The following GLG1 variants were observed in gnomAD, a reference collection of about 807,000 sequenced individuals.
GLG1 encodes Golgi apparatus protein 1.
A neutral mutation model predicts 160.5 loss-of-function variants in GLG1; 38 were observed. The observed-to-expected ratio is 0.24, with a 90% confidence interval of 0.18 to 0.31. The LOEUF is 0.31. GLG1 is among the 10% of genes least tolerant of loss of function. The pLI is 1.00. For synonymous variants in GLG1, 644 were observed against 543.4 expected, an observed-to-expected ratio of 1.19 and a Z score of -2.57; for missense variants, 1,373 against 1,505.2, an observed-to-expected ratio of 0.91 and a Z score of 1.45.
intron 1 of GLG1, among the ~76,000 whole-genome samples, chr16:74,602,697 C>T (rs1340467437): frequency 2.0e-5 from 3 of 151,784 alleles, no homozygotes; most frequent in East Asian, 3.9e-4. Flanking sequence ...GCAGGAAAAT[C>T]GCTTGAACTC....
intron 10 of GLG1, among the ~76,000 whole-genome samples, chr16:74,482,619 GAATA>G (rs1424711603): frequency 5.3e-5 from 8 of 152,068 alleles, no homozygotes; most frequent in African/African-American, 1.4e-4. Context: ...CAGTAACTCT[GAATA>G]AATAAATAAA....
intron 14 of GLG1, among the ~76,000 whole-genome samples, chr16:74,471,981 T>G (rs1410617905): frequency 6.6e-6 from 1 of 152,162 alleles, no homozygotes; most frequent in Non-Finnish European, 1.5e-5. Context: ...CACGGCTCAC[T>G]GCAGCCTCGA....
At chr16:74,602,387 GT>G (rs1423840293) in intron 1 of GLG1, among the ~76,000 whole-genome samples, 1 of 152,158 alleles carries the variant, frequency 6.6e-6, no homozygotes, top group East Asian at 1.9e-4. Context: ...AAACCTTCTA[GT>G]TTTTAAAAAG....
chr16:74,458,008 G>A lies in GLG1; in HGVS notation c.3145-14C>T. On this transcript the variant is annotated splice_polypyrimidine_tract_variant and intron_variant, in intron 23 of 25. Transcript: ENST00000422840. ...GTTTAGCACTTCCTGGAAAGGGAGG[G>A]TCATTGCAGACAGAGCTTTTGAAGG... 6.2e-7 allele frequency: 1 copy of A among 1,612,980 alleles called. No homozygotes were observed. Among genetic ancestry groups the A allele is most frequent in the East Asian group, 2.2e-5 (1 of 44,866 alleles).
chr16:74,559,912 G>A (rs1343150952), intron 1 of GLG1, among the ~76,000 whole-genome samples: 1 of 152,160 alleles, frequency 6.6e-6, no homozygotes, highest in Non-Finnish European at 1.5e-5. Context: ...TGGAAAAGTT[G>A]AGAAGACAGC....
chr16:74,451,913 G>A lies in GLG1; in HGVS notation c.*1254C>T. On this transcript the variant is annotated 3_prime_UTR_variant, in exon 26 of 26. Transcript: ENST00000422840. ...TACAACATTTAGCCAATGCCTACTA[G>A]AGTGGGTACACGCAGCAAATGGACA... The A allele has an allele frequency of 4.6e-6, 3 of 658,544 alleles. No individual in the cohort carries two copies. Among genetic ancestry groups the A allele is most frequent in the Non-Finnish European group, 8.2e-6 (3 of 363,760 alleles). The allele number at this position is 658,544 out of a possible 1,614,324, so 40.8% of individuals were successfully genotyped here. A position where few individuals can be genotyped will look rare whatever the true frequency, so the allele number is the denominator to read the frequency against.
At chr16:74,465,878 T>C (rs2303276) in intron 18 of GLG1, 65 bp from the exon 19 acceptor site, 2 of 1,399,404 alleles carry the variant, frequency 1.4e-6, no homozygotes, top group East Asian at 4.6e-5. Flanking sequence ...GTGTTCTGAT[T>C]GAAACATTCA....
intron 1 of GLG1, among the ~76,000 whole-genome samples, chr16:74,601,298 G>C (rs144462550): frequency 4.6e-5 from 7 of 152,106 alleles, no homozygotes; most frequent in African/African-American, 1.7e-4. Context: ...CCGTACTGTA[G>C]GGGCAGGGTG....
At chr16:74,600,229 A>G (rs766043711) in intron 1 of GLG1, among the ~76,000 whole-genome samples, 5 of 151,976 alleles carry the variant, frequency 3.3e-5, no homozygotes, top group Admixed American at 2.0e-4. Context: ...GAGTTCACGT[A>G]TATTTCCGCT....
At chr16:74,459,598 A>C (rs1450159842) in intron 23 of GLG1, 84 bp downstream of exon 23, 14 of 731,408 alleles carry the variant, frequency 1.9e-5, no homozygotes, top group Non-Finnish European at 3.1e-5. Context: ...TTTATTACCA[A>C]GGTAGGCAGA....
At chr16:74,593,636 C>T (rs374103508) in intron 1 of GLG1, among the ~76,000 whole-genome samples, 1 of 151,764 alleles carries the variant, frequency 6.6e-6, no homozygotes, top group Non-Finnish European at 1.5e-5. Context: ...GGTTTCACCA[C>T]GTTGGCCAGG....
In GLG1 at chr16:74,456,677, C is replaced by T. The variant is rs2014556276; in HGVS notation, c.3344G>A (p.Arg1115Gln). The T allele has an allele frequency of 1.2e-6, 2 of 1,605,448 alleles. No individual in the cohort carries two copies. Among genetic ancestry groups the T allele is most frequent in the Non-Finnish European group, 1.7e-6 (2 of 1,175,542 alleles). ...TGCTGCGTAACTCCACATCTCAATC[C>T]GGTCATTGAGGCGCTTTTTGCACTC... The part of the protein sequence containing the change: ...QPECKKRLND[R>Q]IEMWSYAAKV... Residue 1115 changes from arginine to glutamine, a missense_variant, in exon 25 of 26, where the codon CGG becomes CAG. Physicochemically the swap from Arg to Gln is conservative, Grantham distance 43. Around this residue, in one of 4 missense-constraint regions of GLG1, gnomAD observed 491 missense variants for 632.1 expected, o/e 0.78. Transcript: ENST00000422840.
At chr16:74,488,584 A>G (rs1046012944) in intron 8 of GLG1, among the ~76,000 whole-genome samples, 1 of 151,866 alleles carries the variant, frequency 6.6e-6, no homozygotes, top group Non-Finnish European at 1.5e-5. Context: ...CTTCTTCCCT[A>G]CTTGGCTAAA....
intron 2 of GLG1, among the ~76,000 whole-genome samples, chr16:74,527,183 A>G (rs1172389391): frequency 6.8e-6 from 1 of 147,676 alleles, no homozygotes; most frequent in Non-Finnish European, 1.5e-5. Flanking sequence ...CTGTTGTCAT[A>G]TATTTTATTC....
chr16:74,553,305 T>G (rs2018256191), intron 1 of GLG1, among the ~76,000 whole-genome samples: 1 of 152,062 alleles, frequency 6.6e-6, no homozygotes, highest in African/African-American at 2.4e-5. Context: ...CAAGTGATGC[T>G]TCTGCTTTAG....
chr16:74,547,995 G>A lies in GLG1; in HGVS notation c.439-15842C>T, dbSNP rs2432598. Among the ~76,000 whole-genome samples, 1,159 of 150,874 alleles carry A rather than the reference G, an allele frequency of 7.7e-3. 27 individuals are homozygous for A. The highest frequency in any genetic ancestry group is 0.075 in the East Asian group (384 of 5,114). On this transcript the variant is annotated intron_variant, in intron 1 of 25. Transcript: ENST00000422840. ...GCCCAGGCTGGAGCAGAGTGGCTCA[G>A]TCGCGGCTCACTGCAACTTCCACCT...
chr16:74,481,787 A>C (rs2143317505), intron 10 of GLG1, among the ~76,000 whole-genome samples: 1 of 151,916 alleles, frequency 6.6e-6, no homozygotes, highest in East Asian at 1.9e-4. Flanking sequence ...GCTCAAGTGA[A>C]TCTCCTTTTT....
At chr16:74,587,587 G>A (rs186348871) in intron 1 of GLG1, among the ~76,000 whole-genome samples, 13 of 152,300 alleles carry the variant, frequency 8.5e-5, no homozygotes, top group Non-Finnish European at 1.3e-4. Flanking sequence ...CAGCTATTAC[G>A]GCTGGGCACG....
chr16:74,447,444 T>A lies in GLG1; in HGVS notation c.*5723A>T, dbSNP rs1229639515. 6.6e-6 allele frequency: 1 copy of A among 151,996 alleles called. No homozygotes were observed. The highest frequency in any genetic ancestry group is 2.4e-5 in the African/African-American group (1 of 41,384). The allele number at this position is 151,996 out of a possible 1,614,324, so 9.4% of individuals were successfully genotyped here. A position where few individuals can be genotyped will look rare whatever the true frequency, so the allele number is the denominator to read the frequency against. On this transcript the variant is annotated 3_prime_UTR_variant, in exon 26 of 26. Transcript: ENST00000422840. ...AGAGAAGATTTAACAAGTAAAAACCTGCAAACTCTTTATTAAATTCTCCCA... is the reference window on the plus strand; with the variant it reads ...AGAGAAGATTTAACAAGTAAAAACCAGCAAACTCTTTATTAAATTCTCCCA...
Sources: allele counts gnomAD v4.1 joint callset (sites outside exome capture counted in the v4.1 genomes callset), GRCh38; gene constraint gnomAD v4.1.1; regional missense constraint gnomAD v4.1.1; transcripts MANE v1.5; gene names NCBI Gene and HGNC (gene_info 2026-07-23, HGNC 2026-07-21).